Variants in STK33 observed in about 807,000 individuals in gnomAD.
STK33 encodes the protein serine/threonine kinase 33.
A neutral mutation model predicts 58.0 loss-of-function variants in STK33; 52 were observed. The ratio of observed to expected loss-of-function variants is 0.90; its 90% CI spans 0.72 to 1.13. STK33 has a LOEUF of 1.13. Among genes scored for constraint, STK33 ranks in the 50% most tolerant of loss-of-function variants. STK33 has a pLI of 0.00. For synonymous variants in STK33, 215 were observed against 200.1 expected, an observed-to-expected ratio of 1.07 and a Z score of -0.63; for missense variants, 630 against 604.2, an observed-to-expected ratio of 1.04 and a Z score of -0.45.
At chr11:8,511,195 G>C (rs1952293170) in intron 1 of STK33, among the ~76,000 whole-genome samples, 1 of 152,078 alleles carries the variant, frequency 6.6e-6, no homozygotes, top group South Asian at 2.1e-4. Flanking sequence ...TCCTTGTAAA[G>C]ATCTTCCACC....
intron 1 of STK33, among the ~76,000 whole-genome samples, chr11:8,555,837 CA>C (rs2140794379): frequency 6.6e-6 from 1 of 151,814 alleles, no homozygotes; most frequent in African/African-American, 2.4e-5. Flanking sequence ...ATTATGATGT[CA>C]ATTAAAAATA....
chr11:8,429,979 C>A (rs1450297659), intron 14 of STK33, among the ~76,000 whole-genome samples: 1 of 152,160 alleles, frequency 6.6e-6, no homozygotes, highest in African/African-American at 2.4e-5. Flanking sequence ...AGCCCACAGA[C>A]CTCATCCAAG....
At chr11:8,560,095 T>C (rs1040043088) in intron 1 of STK33, among the ~76,000 whole-genome samples, 4 of 152,294 alleles carry the variant, frequency 2.6e-5, no homozygotes, top group African/African-American at 7.2e-5. Context: ...TGATGCTATA[T>C]GCAATAACCT....
intron 15 of STK33, among the ~76,000 whole-genome samples, chr11:8,400,524 G>A (rs1447062406): frequency 3.3e-5 from 5 of 152,100 alleles, no homozygotes; most frequent in Non-Finnish European, 5.9e-5. Context: ...TAATGAATGG[G>A]CAAAAACTGG....
At chr11:8,446,086 T>C (rs1945423036) in intron 11 of STK33, among the ~76,000 whole-genome samples, 2 of 152,216 alleles carry the variant, frequency 1.3e-5, no homozygotes, top group African/African-American at 4.8e-5. Flanking sequence ...GGGATTCGAC[T>C]TCTTCCTGGT....
At chr11:8,495,533 AGT>A (rs1950993498) in intron 1 of STK33, among the ~76,000 whole-genome samples, 1 of 152,222 alleles carries the variant, frequency 6.6e-6, no homozygotes, top group Non-Finnish European at 1.5e-5. Flanking sequence ...TGTGGAAGAC[AGT>A]GTGGTGATTC....
rs371746297 is a variant in STK33, at chr11:8,552,948, C to T, written c.-466+41135G>A. ...GAAGGATCGCTTGAGCCCAGGAGTTCAGGAGCTGCCTGGGCCATACAGTGA... is the reference window on the plus strand; with the variant it reads ...GAAGGATCGCTTGAGCCCAGGAGTTTAGGAGCTGCCTGGGCCATACAGTGA... On this transcript the variant is annotated intron_variant, in intron 1 of 15. Transcript: ENST00000687296. Among the ~76,000 whole-genome samples the T allele has an allele frequency of 3.4e-4, 52 of 151,008 alleles. No homozygotes were observed. In the South Asian group the frequency reaches 0.01, roughly 30 times the overall value.
chr11:8,371,736 C>T, the STK33 span, among the ~76,000 whole-genome samples: 2 of 123,472 alleles, frequency 1.6e-5, no homozygotes, highest in Admixed American at 8.8e-5. Context: ...TTCTTCTCTC[C>T]CTCCCTCCCT....
intron 1 of STK33, among the ~76,000 whole-genome samples, chr11:8,519,656 G>A (rs1953193867): frequency 6.6e-6 from 1 of 151,932 alleles, no homozygotes; most frequent in African/African-American, 2.4e-5. Flanking sequence ...AATGATAAAG[G>A]GGATATCACC....
the STK33 span, among the ~76,000 whole-genome samples, chr11:8,356,638 A>G: frequency 1.3e-5 from 2 of 152,170 alleles, no homozygotes; most frequent in African/African-American, 4.8e-5. Context: ...TATCAGGGAC[A>G]TGCCTGGGAG....
In STK33 at chr11:8,576,486, A is replaced by G. The variant is rs78509626; in HGVS notation, c.-466+17597T>C. Among the ~76,000 whole-genome samples, 3 of 152,336 alleles carry G rather than the reference A, an allele frequency of 2.0e-5. No individual in the cohort carries two copies. In the East Asian group the frequency reaches 5.8e-4, roughly 29 times the overall value. On this transcript the variant is annotated intron_variant, in intron 1 of 15. Coordinates refer to ENST00000687296, the MANE Select transcript of STK33 (RefSeq NM_001352389.2). ...ATTGTAGATAAAATTTTTATAATGT[A>G]TTACTATCTATCTGGCTATAAATAT...
intron 1 of STK33, chr11:8,533,216 C>G (rs1047312833): frequency 6.6e-6 from 1 of 152,102 alleles, no homozygotes; most frequent in Non-Finnish European, 1.5e-5. Flanking sequence ...AAAATAGTGG[C>G]CCAGAGTATA....
Position 8,510,202 on chromosome 11 carries a change from A to T in STK33, c.-465-29588T>A, listed in dbSNP as rs138432678. Among the ~76,000 whole-genome samples the T allele has an allele frequency of 4.6e-5, 7 of 152,134 alleles. No individual in the cohort carries two copies. The East Asian group carries it at 1.4e-3, about 29-fold the overall frequency. ...GCTTTTTAATTATGGGCATTCTTGC[A>T]GGAGTAAGGTATCTCATTGTGGTTT... is the stretch of plus-strand genomic sequence containing the variant. On this transcript the variant is annotated intron_variant, in intron 1 of 15. Coordinates refer to ENST00000687296, the MANE Select transcript of STK33 (RefSeq NM_001352389.2).
Position 8,413,480 on chromosome 11 carries a change from A to G in STK33, c.1344+15T>C. On this transcript the variant is annotated intron_variant, in intron 15 of 15. Coordinates refer to ENST00000687296, the MANE Select transcript of STK33 (RefSeq NM_001352389.2). ...ATTTTACACTTGGGAGAAATGCAGC[A>G]ATGATTCTTCCTACCTGTTTTTCCT... is the stretch of plus-strand genomic sequence containing the variant. 2 of 1,613,286 alleles carry G rather than the reference A, an allele frequency of 1.2e-6. No homozygotes were observed. The highest frequency in any genetic ancestry group is 1.7e-6 in the Non-Finnish European group (2 of 1,179,334).
chr11:8,479,630 G>C (rs1949623159), intron 2 of STK33, among the ~76,000 whole-genome samples: 1 of 152,032 alleles, frequency 6.6e-6, no homozygotes, highest in African/African-American at 2.4e-5. Flanking sequence ...ATCACTTGCA[G>C]TCAGGAGTTC....
intron 7 of STK33, among the ~76,000 whole-genome samples, chr11:8,462,677 T>C (rs1947709463): frequency 6.6e-6 from 1 of 151,856 alleles, no homozygotes; most frequent in Non-Finnish European, 1.5e-5. Flanking sequence ...TCTCCTAACA[T>C]TTAACACTCA....
At chr11:8,351,723 G>A in the STK33 span, among the ~76,000 whole-genome samples, 24 of 152,322 alleles carry the variant, frequency 1.6e-4, no homozygotes, top group South Asian at 4.8e-3. Context: ...ACGCTTCAGC[G>A]CTTATATGTT....
At chr11:8,589,958 A>C (rs2032330331) in intron 1 of STK33, among the ~76,000 whole-genome samples, 1 of 152,224 alleles carries the variant, frequency 6.6e-6, no homozygotes, top group Non-Finnish European at 1.5e-5. Context: ...TCCTTAGAGC[A>C]AAGATAAGAG....
At chr11:8,551,763 G>A (rs1293246161) in intron 1 of STK33, among the ~76,000 whole-genome samples, 1 of 152,104 alleles carries the variant, frequency 6.6e-6, no homozygotes, top group Non-Finnish European at 1.5e-5. Flanking sequence ...CCTAATCTAG[G>A]AAAAACATAA....
Sources: gnomAD v4.1 joint callset for allele counts (sites outside exome capture counted in the v4.1 genomes callset) on GRCh38, gnomAD v4.1.1 for gene constraint, MANE v1.5 for transcripts, NCBI Gene and HGNC (gene_info 2026-07-23, HGNC 2026-07-21) for gene names.